The following HGS variants were observed in gnomAD, a reference collection of about 807,000 sequenced individuals.
HGS encodes hepatocyte growth factor-regulated tyrosine kinase substrate.
A neutral mutation model predicts 109.7 loss-of-function variants in HGS; 63 were observed. The observed-to-expected ratio is 0.57, with a 90% CI of 0.47 to 0.71. The LOEUF (loss-of-function observed/expected upper bound fraction) is 0.71, where lower values mean the gene tolerates loss of function less well. HGS is among the 30% of genes least tolerant of loss of function. The pLI is 0.00. For missense variants in HGS, 995 were observed against 1,068.3 expected (o/e 0.93, Z 0.96); for synonymous variants, 546 against 437.3 (o/e 1.25, Z -3.10).
intron 2 of HGS, 72 bp from the exon 3 acceptor site, chr17:81,686,240 C>T (rs564449142): frequency 6.2e-6 from 8 of 1,284,552 alleles, no homozygotes; most frequent in Admixed American, 3.7e-5. Flanking sequence ...AGCAGATGAG[C>T]TTTTCTCATC....
At chr17:81,686,970 T>C (rs1054356477) in intron 3 of HGS, 33 bp from the exon 4 acceptor site, 2 of 1,577,442 alleles carry the variant, frequency 1.3e-6, no homozygotes, top group African/African-American at 2.7e-5. Flanking sequence ...CCCTGACCAC[T>C]GGCCCAACCC....
chr17:81,701,201 A>AC, intron 21 of HGS, 70 bp downstream of exon 21: 1 of 1,351,894 alleles, frequency 7.4e-7, no homozygotes, highest in East Asian at 2.3e-5. Context: ...TAGCAATGGG[A>AC]CCCCTGGCCC....
intron 8 of HGS, chr17:81,693,048 C>T: frequency 6.2e-6 from 1 of 161,724 alleles, no homozygotes; most frequent in Non-Finnish European, 1.3e-5. Flanking sequence ...GGTCAAAGGT[C>T]AGCGTGCGTG....
Position 81,690,725 on chromosome 17 carries a change from G to A in HGS, c.520G>A (p.Gly174Arg), listed in dbSNP as rs1278448189. ...EECHRCRVQF[G>R]VMTRKHHCRA... Reference sequence around the variant, plus strand: ...ATGCCACCGCTGCAGGGTGCAGTTCGGGGTGATGACCCGTAAGGTGAGTTC... The same window carrying A: ...ATGCCACCGCTGCAGGGTGCAGTTCAGGGTGATGACCCGTAAGGTGAGTTC... Residue 174 changes from glycine to arginine, a missense_variant, in exon 7 of 22, where the codon GGG becomes AGG. Gly to Arg is a moderately radical substitution (Grantham distance 125). Transcript: ENST00000329138. The A allele has an allele frequency of 2.5e-6, 4 of 1,613,148 alleles. No individual in the cohort carries two copies. The highest frequency in any genetic ancestry group is 2.2e-5 in the South Asian group (2 of 91,040).
Position 81,695,068 on chromosome 17 carries a change from G to T in HGS, c.1119+1G>T. The T allele has an allele frequency of 6.2e-7, 1 of 1,612,882 alleles. No individual in the cohort carries two copies. The highest frequency in any genetic ancestry group is 8.5e-7 in the Non-Finnish European group (1 of 1,179,110). ...CGCAGCCCCCACCAACGTGGTGGAG[G>T]TGAGGGGGCCACTCCCGGCATTCCT... On this transcript the variant is annotated splice_donor_variant, in intron 13 of 21. Transcript: ENST00000329138. LOFTEE classifies it high-confidence loss of function.
At chr17:81,697,478 T>G (rs1427068947) in intron 18 of HGS, 1 of 153,652 alleles carries the variant, frequency 6.5e-6, no homozygotes, top group Non-Finnish European at 1.4e-5. Context: ...GTCTGGTGTC[T>G]CCACGCGGTG....
Position 81,688,693 on chromosome 17 carries a change from C to T in HGS, c.292-11C>T. The T allele has an allele frequency of 1.2e-6, 2 of 1,613,422 alleles. No individual in the cohort carries two copies. The highest frequency in any genetic ancestry group is 1.7e-6 in the Non-Finnish European group (2 of 1,179,748). Reference sequence around the variant, plus strand: ...GTCCTGCGACCCTCACCCCCTTCTCCCTGCCTGCAGAGACAAGTGGAGGTA... The same window carrying T: ...GTCCTGCGACCCTCACCCCCTTCTCTCTGCCTGCAGAGACAAGTGGAGGTA... On this transcript the variant is annotated splice_polypyrimidine_tract_variant and intron_variant, in intron 4 of 21. Transcript: ENST00000329138.
chr17:81,696,046 T>TA, intron 15 of HGS, 47 bp downstream of exon 15: 1 of 1,478,894 alleles, frequency 6.8e-7, no homozygotes, highest in South Asian at 1.3e-5. Flanking sequence ...AGCCAGGTGT[T>TA]GTGAGCGCCA....
intron 18 of HGS, among the ~76,000 whole-genome samples, chr17:81,699,567 A>AGGC (rs1323680018): frequency 2.0e-5 from 3 of 152,186 alleles, no homozygotes; most frequent in Non-Finnish European, 4.4e-5. Flanking sequence ...CTGGGATTAC[A>AGGC]GGCGCCTGCC....
chr17:81,691,342 C>T lies in HGS; in HGVS notation c.538-105C>T, dbSNP rs1031446817. On this transcript the variant is annotated intron_variant, in intron 7 of 21. Coordinates refer to ENST00000329138, the MANE Select transcript of HGS (RefSeq NM_004712.5). This position sits in a 1 kb window ranked among gnomAD's most constrained non-coding sequence, Gnocchi z 5.3. ...GTTCTGCTTGTCCCTTGCCTTCCCC[C>T]ACCTGTGAGGCCCAGCTTCGGCATC... 1 of 1,427,444 alleles carries T rather than the reference C, an allele frequency of 7.0e-7. No homozygotes were observed. The highest frequency in any genetic ancestry group is 1.4e-5 in the African/African-American group (1 of 71,932). 88.4% of individuals were successfully genotyped at this position (1,427,444 alleles called of 1,614,324 possible). A position where few individuals can be genotyped will look rare whatever the true frequency, so the allele number is the denominator to read the frequency against.
In HGS at chr17:81,696,437, C is replaced by A. The variant is rs755472642; in HGVS notation, c.1474C>A (p.Arg492=). Residue 492 remains arginine, a synonymous_variant, in exon 16 of 22, where the codon CGG becomes AGG. Coordinates refer to ENST00000329138, the MANE Select transcript of HGS (RefSeq NM_004712.5). Reference sequence around the variant, plus strand: ...GCTGAGTGCCCTGCGCGAAGAGCACCGGGAGAAGCTTCGCCGGGCAGCCGA... The same window carrying A: ...GCTGAGTGCCCTGCGCGAAGAGCACAGGGAGAAGCTTCGCCGGGCAGCCGA... The part of the protein sequence containing the change: ...GALSALREEH[R]EKLRRAAEEA... 6.4e-7 allele frequency: 1 copy of A among 1,561,948 alleles called. No individual in the cohort carries two copies. Among genetic ancestry groups the A allele is most frequent in the Non-Finnish European group, 8.6e-7 (1 of 1,156,734 alleles).
At chr17:81,686,274 C>T (rs1362703148) in intron 2 of HGS, 38 bp from the exon 3 acceptor site, 12 of 1,557,592 alleles carry the variant, frequency 7.7e-6, no homozygotes, top group Non-Finnish European at 1.1e-5. Flanking sequence ...CTATTTTTTT[C>T]CCGTTTTTCT....
chr17:81,686,798 C>T (rs1013057940), intron 3 of HGS, among the ~76,000 whole-genome samples: 2 of 151,226 alleles, frequency 1.3e-5, no homozygotes, highest in Non-Finnish European at 1.5e-5. Context: ...ACGGGCCTGT[C>T]GAAGGGCTCT....
rs781692579 is a variant in HGS, at chr17:81,696,993, C to T, written c.1877C>T (p.Ala626Val). ...AGPYPSMPST[A>V]ADPSMVSAYM... ...CCCTACCCCAGCATGCCCAGCACTG[C>T]GGCTGGTAAGGACGGGTCGGGGCAG... The change falls in exon 18 of 22, where the codon GCG (alanine) becomes GTG (valine). Residue 626 changes from alanine to valine, a missense_variant. Around this residue, in one of 6 missense-constraint regions of HGS, gnomAD observed 326 missense variants for 309.7 expected, o/e 1.05. Transcript: ENST00000329138. 1.3e-5 allele frequency: 20 copies of T among 1,584,998 alleles called. No individual in the cohort carries two copies. The highest frequency in any genetic ancestry group is 2.2e-5 in the South Asian group (2 of 90,198).
chr17:81,692,009 G>A (rs917096646), intron 8 of HGS: 6 of 187,220 alleles, frequency 3.2e-5, no homozygotes, highest in Non-Finnish European at 5.7e-5. Flanking sequence ...CCTCTCCTGC[G>A]CGTGCGTGTG....
chr17:81,698,281 AGTG>A (rs2037184549), intron 18 of HGS: 4 of 152,262 alleles, frequency 2.6e-5, no homozygotes, highest in Non-Finnish European at 5.9e-5. Flanking sequence ...TGAGCAACAG[AGTG>A]AAACTCCATC....
chr17:81,697,069 G>GCCGAATTTA, intron 18 of HGS, 71 bp downstream of exon 18: 1 of 1,460,880 alleles, frequency 6.8e-7, no homozygotes, highest in South Asian at 1.3e-5. Flanking sequence ...TTACAGAAAA[G>GCCGAATTTA]CAGTAAGAAT....
chr17:81,684,174 G>C (rs1035272477), intron 1 of HGS, 71 bp downstream of exon 1: 9 of 1,316,604 alleles, frequency 6.8e-6, no homozygotes, highest in Non-Finnish European at 8.9e-6. Context: ...AGTCAGCGCG[G>C]CCCCGAGGGC....
chr17:81,701,324 T>C (rs1330576415), intron 21 of HGS, 184 bp from the exon 22 acceptor site: 3 of 814,524 alleles, frequency 3.7e-6, no homozygotes, highest in African/African-American at 1.7e-5. Flanking sequence ...CATCCGCAAG[T>C]GTAGACAGGA....
Sources: gnomAD v4.1 joint callset for allele counts (sites outside exome capture counted in the v4.1 genomes callset) on GRCh38, gnomAD v4.1.1 for gene constraint, gnomAD v4.1.1 regional missense constraint, Gnocchi (gnomAD v3.1) non-coding constraint, MANE v1.5 for transcripts, NCBI Gene and HGNC (gene_info 2026-07-23, HGNC 2026-07-21) for gene names.